Variants in DLGAP2 observed in about 807,000 individuals in gnomAD.
DLGAP2 encodes disks large-associated protein 2.
A neutral mutation model predicts 100.3 loss-of-function variants in DLGAP2; 26 were observed. That is an observed-to-expected ratio of 0.26 (90% confidence interval 0.19 to 0.36). The LOEUF (loss-of-function observed/expected upper bound fraction) is 0.36. Ranked by LOEUF, DLGAP2 falls within the 10% of genes least tolerant of loss-of-function variation. The pLI, the probability that DLGAP2 is intolerant of heterozygous loss-of-function variation, is 1.00. For missense variants in DLGAP2, 1,858 were observed against 1,453.2 expected (o/e 1.28, Z -4.53); for synonymous variants, 886 against 630.1 (o/e 1.41, Z -6.08).
intron 8 of DLGAP2, among the ~76,000 whole-genome samples, chr8:1,634,334 G>A (rs1299756217): frequency 6.6e-6 from 1 of 152,198 alleles, no homozygotes; most frequent in Non-Finnish European, 1.5e-5. Flanking sequence ...CGGGAGAAAG[G>A]CAACAGATCC....
intron 4 of DLGAP2, among the ~76,000 whole-genome samples, chr8:1,510,802 A>T (rs1274921194): frequency 2.6e-5 from 4 of 152,202 alleles, no homozygotes; most frequent in African/African-American, 9.6e-5. Flanking sequence ...TATATGTCCA[A>T]GTCCAGGAGG....
intron 6 of DLGAP2, among the ~76,000 whole-genome samples, chr8:1,596,030 AC>A (rs1364855899): frequency 5.3e-5 from 2 of 37,906 alleles, no homozygotes; most frequent in Non-Finnish European, 1.1e-4. Flanking sequence ...CTAGCTCCCC[AC>A]CCCCCAACAG....
At chr8:1,693,404 G>A (rs556186158) in intron 13 of DLGAP2, among the ~76,000 whole-genome samples, 24 of 151,004 alleles carry the variant, frequency 1.6e-4, no homozygotes, top group African/African-American at 5.8e-4. Context: ...ACTTTTCCTT[G>A]GCTGACTAAA....
chr8:1,681,072 T>C (rs766539251), intron 12 of DLGAP2, among the ~76,000 whole-genome samples: 5 of 152,152 alleles, frequency 3.3e-5, no homozygotes, highest in African/African-American at 4.8e-5. Context: ...GGAAAAAATT[T>C]ACAAAGAGGT....
intron 6 of DLGAP2, among the ~76,000 whole-genome samples, chr8:1,591,644 C>T (rs528200529): frequency 6.6e-6 from 1 of 152,272 alleles, no homozygotes; most frequent in African/African-American, 2.4e-5. Context: ...CACACATCTA[C>T]TTGACCTGCA....
chr8:1,677,094 GATC>G (rs1405816264), intron 11 of DLGAP2, among the ~76,000 whole-genome samples: 1 of 152,130 alleles, frequency 6.6e-6, no homozygotes, highest in African/African-American at 2.4e-5. Flanking sequence ...AAGGCAGGAC[GATC>G]ATTTTAGTTT....
At chr8:1,330,336 C>G (rs1183463400) in intron 3 of DLGAP2, among the ~76,000 whole-genome samples, 2 of 145,824 alleles carry the variant, frequency 1.4e-5, no homozygotes, top group Non-Finnish European at 3.0e-5. Flanking sequence ...GGGAGCACCG[C>G]TTCGCGGGGA....
At chr8:1,483,640 A>G (rs555349832) in intron 3 of DLGAP2, among the ~76,000 whole-genome samples, 1 of 40,276 alleles carries the variant, frequency 2.5e-5, no homozygotes, top group South Asian at 9.7e-4. Context: ...CTCAGGGAGC[A>G]GGACCTGAGG....
At chr8:1,355,881 G>A (rs553661434) in intron 3 of DLGAP2, among the ~76,000 whole-genome samples, 2 of 152,142 alleles carry the variant, frequency 1.3e-5, no homozygotes, top group Non-Finnish European at 2.9e-5. Context: ...GTCCCTGTCT[G>A]CATTATAATC....
intron 1 of DLGAP2, among the ~76,000 whole-genome samples, chr8:759,030 G>A (rs926558393): frequency 4.8e-5 from 7 of 144,640 alleles, no homozygotes; most frequent in Admixed American, 1.4e-4. Context: ...ACCCCTGACA[G>A]CCTTCCCATT....
At chr8:1,083,183 T>A (rs1241245602) in intron 2 of DLGAP2, among the ~76,000 whole-genome samples, 1 of 152,140 alleles carries the variant, frequency 6.6e-6, no homozygotes, top group Non-Finnish European at 1.5e-5. Flanking sequence ...GAAAGGAATT[T>A]TTCACGTGGA....
chr8:1,327,054 C>T (rs1563084749), intron 3 of DLGAP2, among the ~76,000 whole-genome samples: 1 of 152,220 alleles, frequency 6.6e-6, no homozygotes, highest in Non-Finnish European at 1.5e-5. Flanking sequence ...GCGAAAATCC[C>T]GGGCAGGCCC....
intron 2 of DLGAP2, among the ~76,000 whole-genome samples, chr8:1,220,625 C>G (rs1234286008): frequency 6.6e-6 from 1 of 152,102 alleles, no homozygotes; most frequent in Non-Finnish European, 1.5e-5. Flanking sequence ...TCTATTTGGT[C>G]AAGTGTGAAG....
intron 2 of DLGAP2, among the ~76,000 whole-genome samples, chr8:973,725 C>G (rs1441929745): frequency 6.6e-6 from 1 of 152,224 alleles, no homozygotes; most frequent in Non-Finnish European, 1.5e-5. Flanking sequence ...TCTACTTTAT[C>G]GGATAGTGTT....
chr8:1,417,740 C>G (rs1796971337), intron 3 of DLGAP2, among the ~76,000 whole-genome samples: 1 of 22,344 alleles, frequency 4.5e-5, no homozygotes, highest in South Asian at 1.3e-3. Context: ...CAGAAGCCCA[C>G]GGAGACCTAT....
chr8:1,037,730 C>T (rs955470558), intron 2 of DLGAP2, among the ~76,000 whole-genome samples: 1 of 152,222 alleles, frequency 6.6e-6, no homozygotes, highest in Non-Finnish European at 1.5e-5. Flanking sequence ...AACCCAGCCC[C>T]CTTTTAGCCG....
intron 2 of DLGAP2, among the ~76,000 whole-genome samples, chr8:1,048,825 C>A (rs1045008143): frequency 6.6e-6 from 1 of 151,898 alleles, no homozygotes; most frequent in Admixed American, 6.6e-5. Flanking sequence ...AATGAGTAGC[C>A]GGGATTGCAT....
At position 1,083,180 on chromosome 8, in the gene DLGAP2, A is replaced by G. The variant is rs868625339; in HGVS notation, c.73+175214A>G. Among the ~76,000 whole-genome samples the G allele has an allele frequency of 7.2e-5, 11 of 152,198 alleles. No homozygotes were observed. The South Asian group carries it at 1.7e-3, about 23-fold the overall frequency. ...AGGAATATCGTAAATTTTGAAAGGA[A>G]TTTTTCACGTGGATCCTCTACAGGG... On this transcript the variant is annotated intron_variant, in intron 2 of 14. Transcript: ENST00000637795.
intron 2 of DLGAP2, among the ~76,000 whole-genome samples, chr8:1,013,596 G>GAC (rs1801361070): frequency 1.3e-5 from 2 of 148,908 alleles, no homozygotes; most frequent in South Asian, 4.2e-4. Context: ...ACGGACAGAC[G>GAC]GCGCCTCCAC....
Sources: gnomAD v4.1 joint callset for allele counts (sites outside exome capture counted in the v4.1 genomes callset) on GRCh38, gnomAD v4.1.1 for gene constraint, MANE v1.5 for transcripts, NCBI Gene and HGNC (gene_info 2026-07-23, HGNC 2026-07-21) for gene names.